Variants in GPR149 observed in about 807,000 individuals in gnomAD.
GPR149 encodes the protein probable G protein-coupled receptor 149.
A neutral mutation model predicts 50.2 loss-of-function variants in GPR149; 50 were observed. That is an observed-to-expected ratio of 1.00 (90% CI 0.79 to 1.26). The LOEUF (loss-of-function observed/expected upper bound fraction) is 1.26, where lower values mean the gene tolerates loss of function less well. GPR149 is among the 50% of genes most tolerant of loss of function. The pLI, the probability that GPR149 is intolerant of heterozygous loss-of-function variation, is 0.00. For synonymous variants in GPR149, 405 were observed against 358.2 expected, an observed-to-expected ratio of 1.13 and a Z score of -1.48; for missense variants, 983 against 895.4, an observed-to-expected ratio of 1.10 and a Z score of -1.25.
rs964457568 is a variant in GPR149 at position 154,335,934 on chromosome 3, A to G, written c.*1765T>C. On this transcript the variant is annotated 3_prime_UTR_variant, in exon 4 of 4. Coordinates refer to ENST00000389740, the MANE Select transcript of GPR149 (RefSeq NM_001038705.3). The stretch of plus-strand genomic sequence containing the variant: ...AAGATATCAAAGCCTATCTTCTACA[A>G]AGCATTATGAGAATATTCAATTCAA... 22 of 152,100 alleles carry G rather than the reference A, an allele frequency of 1.4e-4. No homozygotes were observed. Among genetic ancestry groups the G allele is most frequent in the Non-Finnish European group, 2.9e-5 (2 of 67,930 alleles). 9.4% of individuals were successfully genotyped at this position (152,100 alleles called of 1,614,324 possible).
intron 3 of GPR149, among the ~76,000 whole-genome samples, chr3:154,400,444 C>A (rs902415767): frequency 6.6e-6 from 1 of 152,130 alleles, no homozygotes; most frequent in African/African-American, 2.4e-5. Flanking sequence ...GTCTTAGTAT[C>A]CTTTTCAATA....
At chr3:154,366,584 G>A (rs990939421) in intron 3 of GPR149, among the ~76,000 whole-genome samples, 1 of 152,020 alleles carries the variant, frequency 6.6e-6, no homozygotes, top group Non-Finnish European at 1.5e-5. Flanking sequence ...ATCTGTCTTT[G>A]GTCTCCACAA....
intron 3 of GPR149, among the ~76,000 whole-genome samples, chr3:154,369,901 C>G (rs543313371): frequency 6.6e-6 from 1 of 152,150 alleles, no homozygotes; most frequent in African/African-American, 2.4e-5. Context: ...GGTAAATGAT[C>G]GAATGACCCC....
chr3:154,353,203 TA>T, intron 3 of GPR149: 2 of 1,532,468 alleles, frequency 1.3e-6, no homozygotes, highest in South Asian at 2.2e-5. Context: ...ACATCTCCAA[TA>T]ACTGCTGGCC....
At chr3:154,400,073 G>A (rs570094164) in intron 3 of GPR149, among the ~76,000 whole-genome samples, 2 of 152,194 alleles carry the variant, frequency 1.3e-5, no homozygotes, top group South Asian at 4.1e-4. Flanking sequence ...TGCAAGCTCC[G>A]CCTCCCGGGT....
chr3:154,416,434 T>C (rs1711989781), intron 3 of GPR149, among the ~76,000 whole-genome samples: 1 of 151,808 alleles, frequency 6.6e-6, no homozygotes, highest in Non-Finnish European at 1.5e-5. Flanking sequence ...TGCATTTTAA[T>C]AAGATACCCA....
At chr3:154,384,032 T>A (rs1027363212) in intron 3 of GPR149, among the ~76,000 whole-genome samples, 4 of 152,256 alleles carry the variant, frequency 2.6e-5, no homozygotes, top group African/African-American at 9.6e-5. Flanking sequence ...GGAAATAAGC[T>A]ATTTATAAGC....
intron 2 of GPR149, among the ~76,000 whole-genome samples, chr3:154,424,617 T>C (rs1712242977): frequency 6.6e-6 from 1 of 151,814 alleles, no homozygotes; most frequent in Non-Finnish European, 1.5e-5. Context: ...TGATTAATAA[T>C]TTGCAAGAAA....
chr3:154,378,202 C>G (rs1714838163), intron 3 of GPR149, among the ~76,000 whole-genome samples: 1 of 151,436 alleles, frequency 6.6e-6, no homozygotes, highest in African/African-American at 2.4e-5. Context: ...TGTGCCTCAG[C>G]CACTGGAGTA....
intron 3 of GPR149, among the ~76,000 whole-genome samples, chr3:154,388,972 A>G (rs1715107530): frequency 6.6e-6 from 1 of 151,970 alleles, no homozygotes; most frequent in African/African-American, 2.4e-5. Context: ...CCAGGTGAGG[A>G]GGAAGAGCAA....
intron 3 of GPR149, among the ~76,000 whole-genome samples, chr3:154,399,669 G>A (rs547323084): frequency 6.6e-6 from 1 of 152,146 alleles, no homozygotes; most frequent in Non-Finnish European, 1.5e-5. Flanking sequence ...AGAGACTGAT[G>A]GTCCATTTAG....
chr3:154,428,979 T>G lies in GPR149; in HGVS notation c.637A>C (p.Thr213Pro), dbSNP rs1311406025. The stretch of plus-strand genomic sequence containing the variant: ...TCCTCCGAACACAGCAATCGGTGAG[T>G]GAGTGGGACTGAGAGGCCCACGAGG... ...GLLVGLSVPL[T>P]HRLLCSEEPP... Residue 213 changes from threonine to proline, a missense_variant, in exon 1 of 4, where the codon ACT becomes CCT. Thr to Pro is a conservative substitution (Grantham distance 38). Transcript: ENST00000389740. 13 of 1,613,578 alleles carry G rather than the reference T, an allele frequency of 8.1e-6. No individual in the cohort carries two copies. The highest frequency in any genetic ancestry group is 4.2e-6 in the Non-Finnish European group (5 of 1,179,918).
At chr3:154,352,146 C>T (rs1714095892) in intron 3 of GPR149, 1 of 748,820 alleles carries the variant, frequency 1.3e-6, no homozygotes, top group Non-Finnish European at 2.1e-6. Flanking sequence ...TCAGTCAAAA[C>T]TCCATTTGTG....
intron 3 of GPR149, among the ~76,000 whole-genome samples, chr3:154,378,176 G>A (rs558714614): frequency 5.1e-4 from 76 of 148,812 alleles, no homozygotes; most frequent in Middle Eastern, 6.9e-3. Context: ...TCTGCTTCCC[G>A]GGTTCCAGTG....
chr3:154,349,451 A>G (rs1389367066), intron 3 of GPR149, among the ~76,000 whole-genome samples: 1 of 152,218 alleles, frequency 6.6e-6, no homozygotes, highest in African/African-American at 2.4e-5. Context: ...ACCATAAGGG[A>G]GTACTACAAA....
intron 3 of GPR149, among the ~76,000 whole-genome samples, chr3:154,377,937 T>C (rs1163101064): frequency 6.6e-6 from 1 of 152,174 alleles, no homozygotes; most frequent in Non-Finnish European, 1.5e-5. Context: ...GACATTTATA[T>C]AAAAGAAATC....
rs186227647 is a variant in GPR149, at chr3:154,359,793, T to A, written c.1624-21522A>T. Among the ~76,000 whole-genome samples, 19 of 152,258 alleles carry A rather than the reference T, an allele frequency of 1.2e-4. No individual in the cohort carries two copies. The East Asian group carries it at 2.5e-3, about 20-fold the overall frequency. On this transcript the variant is annotated intron_variant, in intron 3 of 3. Coordinates refer to ENST00000389740, the MANE Select transcript of GPR149 (RefSeq NM_001038705.3). ...GTGTTTTTGCTCCTTGGACTAAACC[T>A]TAATAGATACAAATTCCTAATCAAT...
At position 154,420,032 on chromosome 3, in the gene GPR149, G is replaced by C. The variant is rs75729357; in HGVS notation, c.1623+1007C>G. On this transcript the variant is annotated intron_variant, in intron 3 of 3. Coordinates refer to ENST00000389740, the MANE Select transcript of GPR149 (RefSeq NM_001038705.3). ...CACTTTTAAAACAATGGTATCAGGA[G>C]ACTAGTAGTTTTATTTAATCAATGA... 9.9e-3 allele frequency among the ~76,000 whole-genome samples: 1,509 copies of C among 152,034 alleles called. 13 individuals are homozygous for C. The highest frequency in any genetic ancestry group is 0.03 in the South Asian group (144 of 4,822).
At chr3:154,381,028 T>A (rs889280657) in intron 3 of GPR149, among the ~76,000 whole-genome samples, 1 of 152,212 alleles carries the variant, frequency 6.6e-6, no homozygotes, top group Non-Finnish European at 1.5e-5. Context: ...CACTCAGAAT[T>A]TTTTAACTTA....
Sources: gnomAD v4.1 joint callset for allele counts (sites outside exome capture counted in the v4.1 genomes callset) on GRCh38, gnomAD v4.1.1 for gene constraint, MANE v1.5 for transcripts, NCBI Gene and HGNC (gene_info 2026-07-23, HGNC 2026-07-21) for gene names.